The following SPECC1 variants were observed in gnomAD, a reference collection of about 807,000 sequenced individuals.
SPECC1 encodes the protein cytospin-B.
In SPECC1, 62 loss-of-function variants were observed where a neutral mutation model predicts 104.1. That is an observed-to-expected ratio of 0.60 (90% CI 0.49 to 0.74). The LOEUF (loss-of-function observed/expected upper bound fraction) is 0.74. Ranked by LOEUF, SPECC1 falls within the 30% of genes least tolerant of loss-of-function variation. The pLI, the probability that SPECC1 is intolerant of heterozygous loss-of-function variation, is 0.00. For synonymous variants in SPECC1, 513 were observed against 501.6 expected, an observed-to-expected ratio of 1.02 and a Z score of -0.30; for missense variants, 1,306 against 1,310.5, an observed-to-expected ratio of 1.00 and a Z score of 0.05.
intron 3 of SPECC1, among the ~76,000 whole-genome samples, chr17:20,135,432 A>C (rs1479036894): frequency 6.6e-6 from 1 of 152,166 alleles, no homozygotes; most frequent in Non-Finnish European, 1.5e-5. Flanking sequence ...TAAGCCAAGA[A>C]GTTTGCAATA....
At chr17:20,238,803 C>G (rs1470353015) in intron 7 of SPECC1, 2 of 1,045,106 alleles carry the variant, frequency 1.9e-6, no homozygotes, top group African/African-American at 3.3e-5. Flanking sequence ...GTATTTGCAC[C>G]CTATATTTTG....
At position 20,314,113 on chromosome 17, in the gene SPECC1, C is replaced by G. The variant is rs750937589; in HGVS notation, c.*48C>G. On this transcript the variant is annotated 3_prime_UTR_variant, in exon 15 of 15. Transcript: ENST00000395527. ...ACCATTGCCACCTACTGCAGCTTTTCCTGGAAGCGCCTGATTACTGTCCAC... is the reference window on the plus strand; with the variant it reads ...ACCATTGCCACCTACTGCAGCTTTTGCTGGAAGCGCCTGATTACTGTCCAC... 31 of 1,508,364 alleles carry G rather than the reference C, an allele frequency of 2.1e-5. No individual in the cohort carries two copies. Among genetic ancestry groups the G allele is most frequent in the Admixed American group, 5.3e-5 (3 of 56,204 alleles). The allele number at this position is 1,508,364 out of a possible 1,614,324, so 93.4% of individuals were successfully genotyped here.
At chr17:20,218,171 A>G (rs1446976309) in intron 4 of SPECC1, among the ~76,000 whole-genome samples, 1 of 152,226 alleles carries the variant, frequency 6.6e-6, no homozygotes, top group Non-Finnish European at 1.5e-5. Flanking sequence ...CTAGTGTTGT[A>G]TATATAATAC....
At chr17:20,093,709 T>C (rs1383934919) in intron 1 of SPECC1, among the ~76,000 whole-genome samples, 1 of 102,930 alleles carries the variant, frequency 9.7e-6, no homozygotes, top group Non-Finnish European at 2.2e-5. Flanking sequence ...GGGTTTTTTG[T>C]TTTTGTTTTT....
chr17:20,207,075 A>G (rs896960085), intron 4 of SPECC1, among the ~76,000 whole-genome samples: 2 of 152,082 alleles, frequency 1.3e-5, no homozygotes, highest in African/African-American at 4.8e-5. Context: ...ATGGCCTCCT[A>G]TTTCTTGTTC....
chr17:20,302,127 AAATG>A (rs2041607156), intron 13 of SPECC1, among the ~76,000 whole-genome samples: 1 of 152,272 alleles, frequency 6.6e-6, no homozygotes, highest in Non-Finnish European at 1.5e-5. Flanking sequence ...TCAGTATCTG[AAATG>A]AATGAAGTGT....
At chr17:20,048,074 G>A (rs115370391) in intron 1 of SPECC1, among the ~76,000 whole-genome samples, 150 of 151,874 alleles carry the variant, frequency 9.9e-4, no homozygotes, top group African/African-American at 2.7e-3. Flanking sequence ...GATATTCCTT[G>A]CTTTAACCTC....
At chr17:20,313,588 G>A (rs1211745352) in intron 14 of SPECC1, among the ~76,000 whole-genome samples, 2 of 152,344 alleles carry the variant, frequency 1.3e-5, no homozygotes, top group East Asian at 1.9e-4. Context: ...CACAGCCCAC[G>A]TAATAGCGCG....
At chr17:20,245,858 C>T in intron 7 of SPECC1, 68 bp from the exon 8 acceptor site, 4 of 1,572,614 alleles carry the variant, frequency 2.5e-6, no homozygotes, top group Non-Finnish European at 2.6e-6. Context: ...TTCTGTTTTC[C>T]TCTGTGTCTT....
At chr17:20,302,167 T>C (rs2041609803) in intron 13 of SPECC1, among the ~76,000 whole-genome samples, 1 of 152,242 alleles carries the variant, frequency 6.6e-6, no homozygotes, top group Admixed American at 6.5e-5. Flanking sequence ...AACTCTAGGA[T>C]TGGCATCTTT....
intron 1 of SPECC1, among the ~76,000 whole-genome samples, chr17:20,096,298 G>T (rs1303323330): frequency 6.6e-6 from 1 of 152,184 alleles, no homozygotes; most frequent in Admixed American, 6.5e-5. Context: ...GACTCTGGCT[G>T]ACCTGTTTTA....
At chr17:20,216,266 C>T (rs557504358) in intron 4 of SPECC1, among the ~76,000 whole-genome samples, 11 of 152,168 alleles carry the variant, frequency 7.2e-5, no homozygotes, top group African/African-American at 2.7e-4. Context: ...AGAGCATCCC[C>T]CCCACCCCCA....
At chr17:20,200,237 G>C (rs1368925930) in intron 3 of SPECC1, among the ~76,000 whole-genome samples, 4 of 152,150 alleles carry the variant, frequency 2.6e-5, no homozygotes, top group African/African-American at 9.7e-5. Context: ...ATACTCAGCT[G>C]TTCTCAATAT....
At chr17:20,283,842 A>G (rs977445201) in intron 12 of SPECC1, among the ~76,000 whole-genome samples, 1 of 152,032 alleles carries the variant, frequency 6.6e-6, no homozygotes, top group Non-Finnish European at 1.5e-5. Flanking sequence ...ACTTGCCTCA[A>G]CCTCTCAAAG....
intron 12 of SPECC1, among the ~76,000 whole-genome samples, chr17:20,293,345 T>C (rs1488792358): frequency 6.6e-6 from 1 of 152,178 alleles, no homozygotes; most frequent in Admixed American, 6.5e-5. Flanking sequence ...GAGAGTTCCA[T>C]CAAACCTCCT....
At chr17:20,236,215 A>G (rs1045808276) in intron 7 of SPECC1, among the ~76,000 whole-genome samples, 1 of 152,170 alleles carries the variant, frequency 6.6e-6, no homozygotes, top group East Asian at 1.9e-4. Flanking sequence ...CTTAGCACCC[A>G]TGACGGCATG....
chr17:20,170,322 C>G lies in SPECC1; in HGVS notation c.284-34011C>G, dbSNP rs1345622103. ...TTTAATGAATTGATGGCAGCTGTCC[C>G]TTGTATTTCCAGGAAAGTTTTGAAT... On this transcript the variant is annotated intron_variant, in intron 3 of 14. Coordinates refer to ENST00000395527, the MANE Select transcript of SPECC1 (RefSeq NM_001243439.2). Among the ~76,000 whole-genome samples the G allele has an allele frequency of 2.0e-5, 3 of 152,294 alleles. No individual in the cohort carries two copies. In the East Asian group the frequency reaches 5.8e-4, roughly 29 times the overall value.
chr17:20,204,426 C>G lies in SPECC1; in HGVS notation c.377C>G (p.Ser126Cys), dbSNP rs143916580. 2 of 1,614,008 alleles carry G rather than the reference C, an allele frequency of 1.2e-6. No homozygotes were observed. Among genetic ancestry groups the G allele is most frequent in the Non-Finnish European group, 1.7e-6 (2 of 1,180,020 alleles). ...SRERSVPRGPSNPRKSVSSPT... is the reference protein window; with the variant it reads ...SRERSVPRGPCNPRKSVSSPT... The stretch of plus-strand genomic sequence containing the variant: ...GAGAGGTCTGTGCCACGTGGTCCCT[C>G]CAACCCCAGGAAATCAGTGTCCAGT... The change falls in exon 4 of 15, where the codon TCC (serine) becomes TGC (cysteine). Residue 126 changes from serine to cysteine, a missense_variant. Ser to Cys is a moderately radical substitution (Grantham distance 112, BLOSUM62 -1). This residue lies in a region of SPECC1 where 1,177 missense variants were observed against 1,139.9 expected (regional missense o/e 1.03). Transcript: ENST00000395527.
intron 2 of SPECC1, among the ~76,000 whole-genome samples, chr17:20,104,034 T>G (rs2048068618): frequency 1.3e-5 from 2 of 152,178 alleles, no homozygotes; most frequent in Non-Finnish European, 2.9e-5. Context: ...GTGGTGGCAT[T>G]TCTATGTTTG....
Sources: gnomAD v4.1 joint callset for allele counts (sites outside exome capture counted in the v4.1 genomes callset) on GRCh38, gnomAD v4.1.1 for gene constraint, gnomAD v4.1.1 regional missense constraint, MANE v1.5 for transcripts, NCBI Gene and HGNC (gene_info 2026-07-23, HGNC 2026-07-21) for gene names.